Variants in NFIA observed in about 807,000 individuals in gnomAD.
NFIA encodes the protein nuclear factor I A.
NFIA carries 8 observed loss-of-function variants against 62.8 expected under a neutral mutation model. The observed-to-expected ratio is 0.13, with a 90% CI of 0.07 to 0.23. NFIA has a LOEUF of 0.23. Ranked by LOEUF, NFIA falls within the 10% of genes least tolerant of loss-of-function variation. NFIA has a pLI of 1.00. For synonymous variants in NFIA, 235 were observed against 238.1 expected (o/e 0.99, Z 0.12); for missense variants, 410 against 642.1 (o/e 0.64, Z 3.91).
intron 2 of NFIA, among the ~76,000 whole-genome samples, chr1:61,099,757 C>T (rs1038784680): frequency 6.6e-6 from 1 of 152,004 alleles, no homozygotes; most frequent in Non-Finnish European, 1.5e-5. Context: ...AAGCCAACTC[C>T]CTTAGATCCC....
intron 2 of NFIA, among the ~76,000 whole-genome samples, chr1:61,173,386 CTCTTTTCTTT>C (rs911403261): frequency 1.3e-5 from 2 of 152,016 alleles, no homozygotes; most frequent in Non-Finnish European, 1.5e-5. Flanking sequence ...TTATTTTCTT[CTCTTTTCTTT>C]TCTTTTCTTT....
At chr1:61,090,821 G>T (rs893483056) in intron 2 of NFIA, among the ~76,000 whole-genome samples, 1 of 152,160 alleles carries the variant, frequency 6.6e-6, no homozygotes, top group South Asian at 2.1e-4. Context: ...CTCTGTGCGC[G>T]CAACAGGAAG....
At position 61,142,927 on chromosome 1, in the gene NFIA, G is replaced by A. The variant is rs566722384; in HGVS notation, c.559+54247G>A. Among the ~76,000 whole-genome samples the A allele has an allele frequency of 9.2e-5, 14 of 152,234 alleles. No individual in the cohort carries two copies. The South Asian group carries it at 1.9e-3, about 20-fold the overall frequency. ...TCTCTTCTGATGCACTCACCCTGGC[G>A]AGGAGAACCGCTTGTGTGGCGACTG... On this transcript the variant is annotated intron_variant, in intron 2 of 10. Transcript: ENST00000403491.
intron 7 of NFIA, among the ~76,000 whole-genome samples, chr1:61,403,478 G>GGT (rs1248788133): frequency 6.6e-6 from 1 of 152,094 alleles, no homozygotes; most frequent in Non-Finnish European, 1.5e-5. Context: ...TTACCCTGTG[G>GGT]GTTCCCCTGC....
intron 6 of NFIA, among the ~76,000 whole-genome samples, chr1:61,382,578 T>C (rs374350210): frequency 5.9e-5 from 9 of 152,226 alleles, no homozygotes; most frequent in African/African-American, 2.2e-4. Context: ...TCCTATTTTG[T>C]AATTGCCTTT....
Position 61,333,068 on chromosome 1 carries a change from T to TACAC in NFIA, c.700+502_700+505dup, listed in dbSNP as rs34809808. 1.8e-3 allele frequency among the ~76,000 whole-genome samples: 240 copies of TACAC among 132,670 alleles called. 1 individual carries two copies. Among genetic ancestry groups the TACAC allele is most frequent in the Middle Eastern group, 9.2e-3 (2 of 218 alleles). The allele number at this position is 132,670 out of a possible 152,430, so 87.0% of individuals were successfully genotyped here. A position where few individuals can be genotyped will look rare whatever the true frequency, so the allele number is the denominator to read the frequency against. On this transcript the variant is annotated intron_variant, in intron 4 of 10. Transcript: ENST00000403491. ...GCACGCACACACACACACACACACA[T>TACAC]ACACACACACACACACACACACATA... is the stretch of plus-strand genomic sequence containing the variant.
chr1:61,126,475 C>T (rs951560536), intron 2 of NFIA, among the ~76,000 whole-genome samples: 1 of 151,422 alleles, frequency 6.6e-6, no homozygotes, highest in African/African-American at 2.4e-5. Flanking sequence ...CACACACACA[C>T]TCACAGAAAT....
At chr1:61,255,447 G>C (rs549311695) in intron 2 of NFIA, among the ~76,000 whole-genome samples, 1 of 152,134 alleles carries the variant, frequency 6.6e-6, no homozygotes, top group Non-Finnish European at 1.5e-5. Context: ...TGCATTATGC[G>C]TTACTTTCTC....
intron 2 of NFIA, among the ~76,000 whole-genome samples, chr1:61,246,069 G>A (rs1655624643): frequency 6.6e-6 from 1 of 152,190 alleles, no homozygotes; most frequent in Non-Finnish European, 1.5e-5. Context: ...CTATTTTCTA[G>A]TGGCTGCTTT....
At chr1:61,453,014 T>C (rs191655364) in intron 10 of NFIA, among the ~76,000 whole-genome samples, 10 of 152,212 alleles carry the variant, frequency 6.6e-5, no homozygotes, top group African/African-American at 2.4e-4. Flanking sequence ...AAAAGAAAAG[T>C]GTGCAGAGTG....
At chr1:61,215,551 G>C (rs561725894) in intron 2 of NFIA, among the ~76,000 whole-genome samples, 9 of 152,026 alleles carry the variant, frequency 5.9e-5, no homozygotes, top group Non-Finnish European at 1.2e-4. Context: ...TTAATGTAAG[G>C]TTCTTTCCAC....
chr1:61,189,977 C>T (rs565240307), intron 2 of NFIA, among the ~76,000 whole-genome samples: 11 of 152,032 alleles, frequency 7.2e-5, no homozygotes, highest in Non-Finnish European at 1.3e-4. Flanking sequence ...GTTCTTCTTA[C>T]CGTGCTGTTT....
chr1:61,416,661 AAAAG>A (rs1300315504), intron 9 of NFIA, among the ~76,000 whole-genome samples: 1 of 152,176 alleles, frequency 6.6e-6, no homozygotes, highest in African/African-American at 2.4e-5. Context: ...TTTTTAAATG[AAAAG>A]AAAAAGAATT....
At chr1:61,082,954 G>A in intron 1 of NFIA, 136 bp downstream of exon 1, 1 of 633,120 alleles carries the variant, frequency 1.6e-6, no homozygotes, top group Non-Finnish European at 2.2e-6. Context: ...GTGTCTGCGC[G>A]TGTTTCTGTG....
intron 3 of NFIA, among the ~76,000 whole-genome samples, chr1:61,280,168 A>C (rs991501098): frequency 6.6e-6 from 1 of 152,232 alleles, no homozygotes; most frequent in Non-Finnish European, 1.5e-5. Flanking sequence ...AAAGACACGT[A>C]ATCCCAAAAG....
rs142614969 is a variant in NFIA at position 61,294,438 on chromosome 1, C to G, written c.625+16853C>G. On this transcript the variant is annotated intron_variant, in intron 3 of 10. Transcript: ENST00000403491. ...CTACATTTCTACTCTGCTTTTCTTA[C>G]ACTTGCTGTTTCACCAAAAAAAAAG... 3.3e-5 allele frequency among the ~76,000 whole-genome samples: 5 copies of G among 152,280 alleles called. No individual in the cohort carries two copies. The East Asian group carries it at 9.7e-4, about 29-fold the overall frequency.
intron 2 of NFIA, among the ~76,000 whole-genome samples, chr1:61,134,385 A>G (rs1647140440): frequency 6.6e-6 from 1 of 151,968 alleles, no homozygotes; most frequent in African/African-American, 2.4e-5. Context: ...GTTCTTACTA[A>G]GCCTCTGTAT....
chr1:61,183,237 A>C (rs1373332595), intron 2 of NFIA, among the ~76,000 whole-genome samples: 1 of 152,156 alleles, frequency 6.6e-6, no homozygotes, highest in African/African-American at 2.4e-5. Flanking sequence ...AGAATTATGG[A>C]CTACAGAATT....
In NFIA at chr1:61,385,126, A is replaced by C. The variant is rs183842348; in HGVS notation, c.1075+1761A>C. ...TGGCACATGCCTGTAAATCCCAGCT[A>C]CCTGTGAGGCTGAGGCAGGAGAATC... On this transcript the variant is annotated intron_variant, in intron 7 of 10. Coordinates refer to ENST00000403491, the MANE Select transcript of NFIA (RefSeq NM_001134673.4). 1.5e-4 allele frequency among the ~76,000 whole-genome samples: 23 copies of C among 152,236 alleles called. No homozygotes were observed. The East Asian group carries it at 3.9e-3, about 26-fold the overall frequency.
Sources: gnomAD v4.1 joint callset for allele counts (sites outside exome capture counted in the v4.1 genomes callset) on GRCh38, gnomAD v4.1.1 for gene constraint, MANE v1.5 for transcripts, NCBI Gene and HGNC (gene_info 2026-07-23, HGNC 2026-07-21) for gene names.